NEGR1: variants seen among roughly 807,000 people sequenced by gnomAD.
The protein encoded by NEGR1 is neuronal growth regulator 1, also known as IgLON family member 4.
In NEGR1, 10 loss-of-function variants were observed where a neutral mutation model predicts 40.9. That is an observed-to-expected ratio of 0.24 (90% CI 0.15 to 0.42). The LOEUF (loss-of-function observed/expected upper bound fraction) is 0.42. Ranked by LOEUF, NEGR1 falls within the 10% of genes least tolerant of loss-of-function variation. The probability of loss-of-function intolerance (pLI) is 1.00; values close to 1 mark genes in which losing one functional copy is unlikely to be tolerated. For synonymous variants in NEGR1, 185 were observed against 166.8 expected (o/e 1.11, Z -0.84); for missense variants, 352 against 438.9 (o/e 0.80, Z 1.77).
rs1216300018 is a variant in NEGR1, at chr1:71,403,103, T to A, written c.*4343A>T. The A allele has an allele frequency of 1.3e-5, 2 of 152,062 alleles. No individual in the cohort carries two copies. Among genetic ancestry groups the A allele is most frequent in the African/African-American group, 2.4e-5 (1 of 41,430 alleles). The allele number at this position is 152,062 out of a possible 1,614,324, so 9.4% of individuals were successfully genotyped here. A position where few individuals can be genotyped will look rare whatever the true frequency, so the allele number is the denominator to read the frequency against. The stretch of plus-strand genomic sequence containing the variant: ...ATGCTTTGTTGTTTTATCTATCACA[T>A]TGTTCTCATTTATTCAGTTGACTAT... On this transcript the variant is annotated 3_prime_UTR_variant, in exon 7 of 7. Transcript: ENST00000357731.
At chr1:71,519,732 A>T (rs1336406603) in intron 6 of NEGR1, among the ~76,000 whole-genome samples, 4 of 122,236 alleles carry the variant, frequency 3.3e-5, no homozygotes, top group Non-Finnish European at 4.5e-5. Flanking sequence ...AGTATAATAA[A>T]AAAAAAAAAA....
intron 1 of NEGR1, among the ~76,000 whole-genome samples, chr1:72,154,971 A>C (rs1043044931): frequency 2.0e-5 from 3 of 152,046 alleles, no homozygotes; most frequent in Admixed American, 2.0e-4. Context: ...TACATATTAT[A>C]GAAAAACTCT....
intron 1 of NEGR1, among the ~76,000 whole-genome samples, chr1:72,051,127 C>T (rs1288987425): frequency 6.6e-6 from 1 of 151,486 alleles, no homozygotes; most frequent in African/African-American, 2.4e-5. Flanking sequence ...CAGCCCTTCT[C>T]TAAATGGCTG....
intron 6 of NEGR1, among the ~76,000 whole-genome samples, chr1:71,543,900 G>C (rs1647800208): frequency 6.6e-6 from 1 of 151,648 alleles, no homozygotes; most frequent in Non-Finnish European, 1.5e-5. Flanking sequence ...TGGTTAAGTT[G>C]GATAGAATGT....
chr1:72,015,751 G>A (rs923697719), intron 1 of NEGR1, among the ~76,000 whole-genome samples: 1 of 152,190 alleles, frequency 6.6e-6, no homozygotes, highest in East Asian at 1.9e-4. Context: ...GGGCTTGCAT[G>A]TCTGCCATAA....
intron 1 of NEGR1, among the ~76,000 whole-genome samples, chr1:72,112,414 C>A (rs575124128): frequency 6.6e-6 from 1 of 151,342 alleles, no homozygotes; most frequent in Non-Finnish European, 1.5e-5. Context: ...ATAATATATC[C>A]ATTGTTTTCA....
chr1:71,709,270 G>GA (rs1273554886), intron 3 of NEGR1, among the ~76,000 whole-genome samples: 1 of 152,142 alleles, frequency 6.6e-6, no homozygotes, highest in Non-Finnish European at 1.5e-5. Context: ...ATTTTGTGGA[G>GA]AAAAGCATTC....
At chr1:71,608,495 C>CCTTTTTTTTTTTTTTTT (rs1553153339) in intron 5 of NEGR1, among the ~76,000 whole-genome samples, 1 of 138,650 alleles carries the variant, frequency 7.2e-6, no homozygotes, top group African/African-American at 2.7e-5. Context: ...ATTACTGTAG[C>CCTTTTTTTTTTTTTTTT]TTTTTTTTTT....
intron 6 of NEGR1, among the ~76,000 whole-genome samples, chr1:71,580,567 T>C (rs1311672393): frequency 6.6e-6 from 1 of 152,166 alleles, no homozygotes; most frequent in Non-Finnish European, 1.5e-5. Context: ...TCAGAGGTCA[T>C]TATATAGATT....
chr1:72,139,150 A>C (rs1217343142), intron 1 of NEGR1, among the ~76,000 whole-genome samples: 1 of 151,514 alleles, frequency 6.6e-6, no homozygotes, highest in Non-Finnish European at 1.5e-5. Flanking sequence ...TGGCTAGAGC[A>C]GTATTTAGGG....
intron 2 of NEGR1, among the ~76,000 whole-genome samples, chr1:71,792,292 A>C (rs1330817593): frequency 6.6e-6 from 1 of 152,136 alleles, no homozygotes; most frequent in Non-Finnish European, 1.5e-5. Context: ...TGAATATCCT[A>C]TCAAGTGTTT....
At chr1:72,176,123 C>T (rs1336020087) in intron 1 of NEGR1, among the ~76,000 whole-genome samples, 2 of 152,004 alleles carry the variant, frequency 1.3e-5, no homozygotes, top group Non-Finnish European at 2.9e-5. Flanking sequence ...AAAGTTAATA[C>T]AACACATTTC....
In NEGR1 at chr1:72,282,456, C is replaced by T. The variant is rs1656297350; in HGVS notation, c.39G>A (p.Ser13=). The stretch of plus-strand genomic sequence containing the variant: ...GGAGCACCGCCGCCAGCCACTGGTT[C>T]GAGCAACAAGCACCCTGCACCAACA... The part of the protein sequence containing the change: ...MMLLVQGACC[S]NQWLAAVLLS... Residue 13 remains serine (S), a synonymous_variant, in exon 1 of 7, where the codon TCG becomes TCA. Transcript: ENST00000357731. 5.0e-6 allele frequency: 8 copies of T among 1,613,690 alleles called. No individual in the cohort carries two copies. The highest frequency in any genetic ancestry group is 6.8e-6 in the Non-Finnish European group (8 of 1,179,994).
intron 4 of NEGR1, among the ~76,000 whole-genome samples, chr1:71,687,397 C>T (rs2101617457): frequency 6.6e-6 from 1 of 152,278 alleles, no homozygotes; most frequent in Admixed American, 6.5e-5. Context: ...ATGCCCCTGG[C>T]ACAGTGGGCA....
intron 3 of NEGR1, among the ~76,000 whole-genome samples, chr1:71,728,336 T>C (rs928123071): frequency 2.0e-5 from 3 of 151,920 alleles, no homozygotes; most frequent in African/African-American, 7.3e-5. Flanking sequence ...CCAGGCAGAG[T>C]AACTGGAAGG....
intron 1 of NEGR1, among the ~76,000 whole-genome samples, chr1:72,095,124 C>A (rs375682508): frequency 2.0e-5 from 3 of 152,032 alleles, no homozygotes; most frequent in Non-Finnish European, 2.9e-5. Context: ...AATTTTTTAA[C>A]CTTGGCTTCT....
intron 1 of NEGR1, among the ~76,000 whole-genome samples, chr1:71,938,261 T>G (rs1645927248): frequency 1.3e-5 from 2 of 152,112 alleles, no homozygotes; most frequent in Admixed American, 1.3e-4. Context: ...AAATTTTGAA[T>G]AGCAAGTCTA....
At chr1:72,216,398 T>TAC (rs200720684) in intron 1 of NEGR1, among the ~76,000 whole-genome samples, 5,508 of 131,670 alleles carry the variant, frequency 0.042, 396 homozygotes, top group African/African-American at 0.17. Flanking sequence ...TATATATATA[T>TAC]ATACATATAT....
At position 71,879,145 on chromosome 1, in the gene NEGR1, A is replaced by T. The variant is rs1660514402; in HGVS notation, c.409+55934T>A. 2.0e-5 allele frequency among the ~76,000 whole-genome samples: 3 copies of T among 152,164 alleles called. No homozygotes were observed. The South Asian group carries it at 6.2e-4, about 32-fold the overall frequency. ...TGAAACTCTGTCTCGAAAAAAAAAA[A>T]AAATAGCAACAAGGATAATGCATGA... On this transcript the variant is annotated intron_variant, in intron 2 of 6. Coordinates refer to ENST00000357731, the MANE Select transcript of NEGR1 (RefSeq NM_173808.3).
Sources: gnomAD v4.1 joint callset for allele counts (sites outside exome capture counted in the v4.1 genomes callset) on GRCh38, gnomAD v4.1.1 for gene constraint, MANE v1.5 for transcripts, NCBI Gene and HGNC (gene_info 2026-07-23, HGNC 2026-07-21) for gene names.